Variants in TRPC5 observed in about 807,000 individuals in gnomAD.
TRPC5 encodes the protein short transient receptor potential channel 5.
Under a neutral mutation model 56.5 loss-of-function variants are expected in TRPC5, and 9 were observed. The observed-to-expected ratio is 0.16, with a 90% CI of 0.10 to 0.28. TRPC5 has a LOEUF of 0.28. Among genes scored for constraint, TRPC5 ranks in the 10% least tolerant of loss-of-function variants. The probability of loss-of-function intolerance (pLI) is 1.00; values close to 1 mark genes in which losing one functional copy is unlikely to be tolerated. For synonymous variants in TRPC5, 282 were observed against 278.5 expected (o/e 1.01, Z -0.13); for missense variants, 469 against 748.9 (o/e 0.63, Z 4.36).
intron 6 of TRPC5, among the ~76,000 whole-genome samples, chrX:111,838,681 T>A (rs1922638600): frequency 8.9e-6 from 1 of 111,907 alleles, no homozygotes; most frequent in Non-Finnish European, 1.9e-5. Flanking sequence ...ATACAAAGAT[T>A]CAAGAAAACT....
chrX:111,924,995 A>G (rs1344328432), intron 2 of TRPC5, among the ~76,000 whole-genome samples: 1 of 112,891 alleles, frequency 8.9e-6, no homozygotes, highest in Non-Finnish European at 1.9e-5. Flanking sequence ...GCTGTCACAT[A>G]GAGGCATTTA....
At chrX:111,818,341 C>T (rs1921925662) in intron 7 of TRPC5, among the ~76,000 whole-genome samples, 1 of 111,521 alleles carries the variant, frequency 9.0e-6, no homozygotes, top group South Asian at 3.8e-4. Flanking sequence ...TATTTTTTCT[C>T]ATACCAATCA....
At chrX:112,024,915 A>G (rs1424400603) in intron 1 of TRPC5, among the ~76,000 whole-genome samples, 1 of 112,038 alleles carries the variant, frequency 8.9e-6, no homozygotes, top group Non-Finnish European at 1.9e-5. Flanking sequence ...GAACTCTCTC[A>G]CTCTATGCCT....
intron 7 of TRPC5, among the ~76,000 whole-genome samples, chrX:111,820,608 T>A (rs1207864685): frequency 8.9e-6 from 1 of 112,040 alleles, no homozygotes; most frequent in Admixed American, 9.5e-5. Context: ...CGATTTTGTG[T>A]TACAATGGGT....
intron 1 of TRPC5, among the ~76,000 whole-genome samples, chrX:112,024,666 T>A (rs754033457): frequency 2.7e-5 from 3 of 111,535 alleles, no homozygotes; most frequent in Non-Finnish European, 3.8e-5. Context: ...CTAATACACC[T>A]ACCCTTCCAC....
intron 2 of TRPC5, among the ~76,000 whole-genome samples, chrX:111,932,745 G>C (rs1390462660): frequency 9.0e-6 from 1 of 111,720 alleles, no homozygotes; most frequent in East Asian, 2.8e-4. Context: ...AAAGAGGGTG[G>C]GCAGATGAGC....
At chrX:111,815,708 G>A (rs905442995) in intron 7 of TRPC5, among the ~76,000 whole-genome samples, 4 of 110,051 alleles carry the variant, frequency 3.6e-5, no homozygotes, top group African/African-American at 1.3e-4. Context: ...GAGACAGAGA[G>A]AGACAGAGTG....
At chrX:112,018,913 G>C (rs761260877) in intron 1 of TRPC5, among the ~76,000 whole-genome samples, 1 of 112,255 alleles carries the variant, frequency 8.9e-6, no homozygotes, top group East Asian at 2.8e-4. Context: ...GCTTCCCACA[G>C]TATCTTGCCA....
intron 2 of TRPC5, among the ~76,000 whole-genome samples, chrX:111,926,566 G>A (rs1030348813): frequency 3.6e-5 from 4 of 111,494 alleles, no homozygotes; most frequent in Admixed American, 1.9e-4. Flanking sequence ...CTGTACAAGA[G>A]GCCGGCTGAA....
chrX:112,036,648 A>G (rs1275322898), intron 1 of TRPC5, among the ~76,000 whole-genome samples: 1 of 111,798 alleles, frequency 8.9e-6, no homozygotes, highest in African/African-American at 3.3e-5. Flanking sequence ...TATTTTCCAG[A>G]GTTTTGACAA....
At chrX:111,928,249 C>T (rs906104870) in intron 2 of TRPC5, among the ~76,000 whole-genome samples, 1 of 111,570 alleles carries the variant, frequency 9.0e-6, no homozygotes, top group Non-Finnish European at 1.9e-5. Context: ...AAACAGAAGT[C>T]ATTTAAAAAA....
At chrX:112,055,928 C>G (rs1930330624) in intron 1 of TRPC5, among the ~76,000 whole-genome samples, 2 of 110,038 alleles carry the variant, frequency 1.8e-5, no homozygotes, top group African/African-American at 6.6e-5. Context: ...CTTTTTCTGT[C>G]CAGAGATACA....
At chrX:111,975,182 A>T (rs1054686716) in intron 1 of TRPC5, among the ~76,000 whole-genome samples, 7 of 111,438 alleles carry the variant, frequency 6.3e-5, no homozygotes, top group African/African-American at 2.3e-4. Flanking sequence ...CGTCAGCAAA[A>T]GGTGGGAGAA....
chrX:111,979,117 G>T (rs1009001676), intron 1 of TRPC5, among the ~76,000 whole-genome samples: 2 of 111,216 alleles, frequency 1.8e-5, no homozygotes, highest in African/African-American at 6.5e-5. Context: ...TGTGGTAGTA[G>T]CATCAAGAGA....
intron 1 of TRPC5, among the ~76,000 whole-genome samples, chrX:111,994,914 G>A (rs1928478008): frequency 9.0e-6 from 1 of 111,499 alleles, no homozygotes; most frequent in African/African-American, 3.3e-5. Context: ...TTGCCTGATT[G>A]CTAATTGAAT....
chrX:111,931,262 A>C (rs116639049), intron 2 of TRPC5, among the ~76,000 whole-genome samples: 1,278 of 112,231 alleles, frequency 0.011, 15 homozygotes, highest in African/African-American at 0.039. Context: ...TTATTTTGAG[A>C]GTGGGAAATA....
intron 1 of TRPC5, among the ~76,000 whole-genome samples, chrX:112,051,642 A>G (rs986127517): frequency 8.9e-6 from 1 of 112,504 alleles, no homozygotes; most frequent in Non-Finnish European, 1.9e-5. Flanking sequence ...AGTACACATC[A>G]CATAAAATTT....
At chrX:112,048,351 C>T (rs1186299482) in intron 1 of TRPC5, among the ~76,000 whole-genome samples, 2 of 93,829 alleles carry the variant, frequency 2.1e-5, no homozygotes, top group East Asian at 3.4e-4. Flanking sequence ...CAGTGAGCCG[C>T]GATCGCGCCA....
At chrX:111,939,702 G>A (rs1203979023) in intron 2 of TRPC5, among the ~76,000 whole-genome samples, 1 of 111,352 alleles carries the variant, frequency 9.0e-6, no homozygotes, top group African/African-American at 3.3e-5. Flanking sequence ...CTTGTAGTAG[G>A]CTCTAATGAT....
Sources: allele counts gnomAD v4.1 joint callset (sites outside exome capture counted in the v4.1 genomes callset), GRCh38; gene constraint gnomAD v4.1.1; transcripts MANE v1.5; gene names NCBI Gene and HGNC (gene_info 2026-07-23, HGNC 2026-07-21).